Variants in TPR observed in about 807,000 individuals in gnomAD.
TPR encodes the protein translocated promoter region, nuclear basket protein, also known as nucleoprotein TPR.
Under a neutral mutation model 316.1 loss-of-function variants are expected in TPR, and 51 were observed. The ratio of observed to expected loss-of-function variants is 0.16; its 90% CI spans 0.13 to 0.20. The LOEUF is 0.20. TPR is among the 10% of genes least tolerant of loss of function. The pLI, the probability that TPR is intolerant of heterozygous loss-of-function variation, is 1.00. For missense variants in TPR, 2,272 were observed against 2,754.8 expected, an observed-to-expected ratio of 0.82 and a Z score of 3.92; for synonymous variants, 981 against 914.7, an observed-to-expected ratio of 1.07 and a Z score of -1.31.
chr1:186,369,681 A>G (rs1659460183), intron 3 of TPR, among the ~76,000 whole-genome samples: 2 of 152,272 alleles, frequency 1.3e-5, no homozygotes, highest in East Asian at 3.9e-4. Flanking sequence ...CATATAATCT[A>G]TAAGTAAAGA....
intron 22 of TPR, 62 bp downstream of exon 22, chr1:186,347,230 T>C: frequency 6.4e-7 from 1 of 1,571,750 alleles, no homozygotes; most frequent in South Asian, 1.2e-5. Flanking sequence ...AGTCCTCTAG[T>C]TACTAAAAAC....
At chr1:186,348,894 CAT>C (rs1198161302) in intron 21 of TPR, among the ~76,000 whole-genome samples, 11 of 152,078 alleles carry the variant, frequency 7.2e-5, no homozygotes, top group Non-Finnish European at 7.4e-5. Flanking sequence ...TGTTTTATCA[CAT>C]GATATCAATA....
intron 42 of TPR, 37 bp from the exon 43 acceptor site, chr1:186,323,907 AT>A: frequency 6.6e-7 from 1 of 1,514,460 alleles, no homozygotes; most frequent in Non-Finnish European, 8.7e-7. Context: ...GAACTGCTAA[AT>A]TTACCACAAA....
At position 186,327,543 on chromosome 1, in the gene TPR, C is replaced by G. The variant is rs1658038637; in HGVS notation, c.5806G>C (p.Gly1936Arg). ...ATGACATCATCTCCTTTGCCTTGAC[C>G]ATCCTGGGATGAAGTTGTCGTCTGC... ...DQQTTTSSQDGQGKGDDVIVI... is the reference protein window; with the variant it reads ...DQQTTTSSQDRQGKGDDVIVI... The change falls in exon 40 of 51, where the codon GGT (glycine) becomes CGT (arginine). Residue 1936 changes from glycine to arginine, a missense_variant. By Grantham distance (125) the Gly-to-Arg change is moderately radical. Around this residue, in one of 10 missense-constraint regions of TPR, gnomAD observed 435 missense variants for 461.1 expected, o/e 0.94. Transcript: ENST00000367478. The G allele has an allele frequency of 3.1e-6, 5 of 1,611,796 alleles. No homozygotes were observed. The highest frequency in any genetic ancestry group is 4.2e-6 in the Non-Finnish European group (5 of 1,179,544).
Position 186,357,903 on chromosome 1 carries a change from CA to C in TPR, c.1498-281del, listed in dbSNP as rs200321280. ...GGCTCCAGTTTTGTAAAACAGTGAT[CA>C]AATAAAACCCACAAATATCTATTTT... On this transcript the variant is annotated intron_variant, in intron 13 of 50. Transcript: ENST00000367478. 2.0e-5 allele frequency among the ~76,000 whole-genome samples: 3 copies of C among 152,190 alleles called. No individual in the cohort carries two copies. The East Asian group carries it at 5.8e-4, about 29-fold the overall frequency.
Position 186,333,347 on chromosome 1 carries a change from T to C in TPR, c.5230A>G (p.Thr1744Ala), listed in dbSNP as rs1174590155. Residue 1744 changes from threonine to alanine, a missense_variant, in exon 37 of 51, where the codon ACA becomes GCA. Thr to Ala is a moderately conservative substitution (Grantham distance 58). Transcript: ENST00000367478. Reference sequence around the variant, plus strand: ...CTAGTAGAACGAACGGATCCACTTGTGCTTCCAAAAACTGGAACATGTTCC... The same window carrying C: ...CTAGTAGAACGAACGGATCCACTTGCGCTTCCAAAAACTGGAACATGTTCC... ...PVEHVPVFGS[T>A]SGSVRSTSPN... 2.5e-6 allele frequency: 4 copies of C among 1,613,594 alleles called. No homozygotes were observed. Among genetic ancestry groups the C allele is most frequent in the Non-Finnish European group, 3.4e-6 (4 of 1,179,644 alleles).
rs1437104624 is a variant in TPR at position 186,355,779 on chromosome 1, G to A, written c.1889-11C>T. On this transcript the variant is annotated splice_polypyrimidine_tract_variant and intron_variant, in intron 15 of 50. Transcript: ENST00000367478. ...CATCTAAGCTTGAAGCTTCAGGAAA[G>A]TAAAGACTAATAAAATGCTTTGTTG... The A allele has an allele frequency of 1.9e-6, 3 of 1,611,426 alleles. No homozygotes were observed. In the African/African-American group the frequency reaches 4.0e-5, roughly 22 times the overall value.
At chr1:186,357,832 G>A (rs1417128056) in intron 13 of TPR, among the ~76,000 whole-genome samples, 2 of 152,086 alleles carry the variant, frequency 1.3e-5, no homozygotes, top group Non-Finnish European at 2.9e-5. Context: ...ATGTATTGAA[G>A]GCTATTACTT....
chr1:186,326,151 T>G lies in TPR; in HGVS notation c.5974A>C (p.Thr1992Pro), dbSNP rs1446806196. 8.1e-6 allele frequency: 13 copies of G among 1,612,430 alleles called. No homozygotes were observed. Among genetic ancestry groups the G allele is most frequent in the Non-Finnish European group, 1.1e-5 (13 of 1,178,680 alleles). ...GDEGEDSNEG[T>P]GSADGNDGYE... ...CCATCATTGCCATCGGCACTACCAG[T>G]TCCTTCATTACTATCTTCACCCTCA... The change falls in exon 41 of 51, where the codon ACT becomes CCT. Residue 1992 changes from threonine to proline, a missense_variant. Thr to Pro is a conservative substitution (Grantham distance 38). Transcript: ENST00000367478.
intron 39 of TPR, 23 bp from the exon 40 acceptor site, chr1:186,327,683 A>T: frequency 3.7e-6 from 6 of 1,605,580 alleles, no homozygotes; most frequent in Non-Finnish European, 5.1e-6. Context: ...AAAAGTTAAA[A>T]AAGAATTAAG....
In TPR at chr1:186,357,424, C is replaced by A. The variant is rs755724315; in HGVS notation, c.1697G>T (p.Arg566Ile). The change falls in exon 14 of 51, where the codon AGA becomes ATA. Residue 566 changes from arginine (R) to isoleucine (I), a missense_variant. Physicochemically the swap from Arg to Ile is moderately conservative, Grantham distance 97. This residue lies in a region of TPR where 757 missense variants were observed against 859.8 expected (regional missense o/e 0.88). Coordinates refer to ENST00000367478, the MANE Select transcript of TPR (RefSeq NM_003292.3). ...ALRELGETRE[R>I]EEQETTSSKI... Reference sequence around the variant, plus strand: ...GGATGAAGTTGTTTCTTGTTCTTCTCTTTCTCTGGTTTCCCCAAGCTCTCT... The same window carrying A: ...GGATGAAGTTGTTTCTTGTTCTTCTATTTCTCTGGTTTCCCCAAGCTCTCT... 1 of 1,614,008 alleles carries A rather than the reference C, an allele frequency of 6.2e-7. No homozygotes were observed. Among genetic ancestry groups the A allele is most frequent in the Non-Finnish European group, 8.5e-7 (1 of 1,179,994 alleles).
In TPR at chr1:186,326,203, A is replaced by G. The variant is rs376114525; in HGVS notation, c.5922T>C (p.Asp1974=). The G allele has an allele frequency of 6.7e-4, 1,085 of 1,610,832 alleles. No homozygotes were observed. Among genetic ancestry groups the G allele is most frequent in the Non-Finnish European group, 8.8e-4 (1,033 of 1,177,690 alleles). The change falls in exon 41 of 51, where the codon GAT becomes GAC. Residue 1974 remains aspartate, a synonymous_variant. Transcript: ENST00000367478. Reference sequence around the variant, plus strand: ...CTCCCATCCCTGTGTCATCTTCATCATCATCATCATCTTCCTCATCCTCTT... The same window carrying G: ...CTCCCATCCCTGTGTCATCTTCATCGTCATCATCATCTTCCTCATCCTCTT... ...DYEEDEEDDD[D]DEDDTGMGDE... is the part of the protein sequence containing the mutation.
intron 13 of TPR, among the ~76,000 whole-genome samples, chr1:186,358,147 G>A (rs1322547848): frequency 6.6e-6 from 1 of 152,002 alleles, no homozygotes; most frequent in African/African-American, 2.4e-5. Context: ...TCTTACTTCA[G>A]TAAAATCAAA....
intron 21 of TPR, among the ~76,000 whole-genome samples, chr1:186,348,666 T>C (rs1571623328): frequency 1.3e-5 from 2 of 152,154 alleles, no homozygotes; most frequent in South Asian, 4.1e-4. Context: ...ATGTCACCCC[T>C]GGCAGCCCAG....
Position 186,362,906 on chromosome 1 carries a change from CAGA to C in TPR, c.624_626del (p.Leu209del). The C allele has an allele frequency of 6.2e-7, 1 of 1,611,378 alleles. No individual in the cohort carries two copies. Among genetic ancestry groups the C allele is most frequent in the South Asian group, 1.1e-5 (1 of 90,854 alleles). Reference sequence around the variant, plus strand: ...CATTCCCTTTTTCTCTTCCAAGAGCCAGAAGTTCATCAGTTTTGGTTTTCAACT... The same window carrying C: ...CATTCCCTTTTTCTCTTCCAAGAGCCAGTTCATCAGTTTTGGTTTTCAACT... On this transcript the variant is annotated inframe_deletion, in exon 6 of 51. Transcript: ENST00000367478.
At chr1:186,314,561 T>C (rs1657530972) in intron 50 of TPR, 68 bp downstream of exon 50, 2 of 1,251,088 alleles carry the variant, frequency 1.6e-6, no homozygotes, top group Admixed American at 2.3e-5. Flanking sequence ...GCTTAAGGAT[T>C]AGAAAACTTG....
chr1:186,331,633 G>T, intron 38 of TPR, 52 bp from the exon 39 acceptor site: 3 of 1,229,626 alleles, frequency 2.4e-6, no homozygotes, highest in Non-Finnish European at 3.3e-6. Flanking sequence ...TAGATGAAGG[G>T]TTACCTGTTT....
At chr1:186,350,190 T>C in intron 21 of TPR, 33 bp downstream of exon 21, 2 of 1,543,408 alleles carry the variant, frequency 1.3e-6, no homozygotes, top group Non-Finnish European at 1.7e-6. Flanking sequence ...ACTTGTTTAT[T>C]TACAATTATA....
chr1:186,344,297 T>A, intron 25 of TPR, 78 bp downstream of exon 25: 11 of 1,526,406 alleles, frequency 7.2e-6, no homozygotes, highest in Non-Finnish European at 8.9e-6. Flanking sequence ...CGAGGCTCCA[T>A]CTCAAAACAT....
Sources: gnomAD v4.1 joint callset for allele counts (sites outside exome capture counted in the v4.1 genomes callset) on GRCh38, gnomAD v4.1.1 for gene constraint, gnomAD v4.1.1 regional missense constraint, MANE v1.5 for transcripts, NCBI Gene and HGNC (gene_info 2026-07-23, HGNC 2026-07-21) for gene names.